CNTN5: variants seen among roughly 807,000 people sequenced by gnomAD.
CNTN5 encodes contactin 5, also known as contactin-5.
CNTN5 carries 77 observed loss-of-function variants against 129.1 expected under a neutral mutation model. The observed-to-expected ratio is 0.60, with a 90% CI of 0.50 to 0.72. The LOEUF (loss-of-function observed/expected upper bound fraction) is 0.72, where lower values mean the gene tolerates loss of function less well. Ranked by LOEUF, CNTN5 falls within the 30% of genes least tolerant of loss-of-function variation. The probability of loss-of-function intolerance (pLI) is 0.00; values close to 1 mark genes in which losing one functional copy is unlikely to be tolerated. For missense variants in CNTN5, 1,478 were observed against 1,328.8 expected (o/e 1.11, Z -1.75); for synonymous variants, 509 against 465.6 (o/e 1.09, Z -1.20).
At chr11:100,027,412 G>A (rs959040203) in intron 9 of CNTN5, among the ~76,000 whole-genome samples, 4 of 152,062 alleles carry the variant, frequency 2.6e-5, no homozygotes, top group Non-Finnish European at 4.4e-5. Context: ...CCACTGTTAA[G>A]GTTAAGACCT....
rs143137165 is a variant in CNTN5 at position 99,785,940 on chromosome 11, G to A, written c.56-33604G>A. Among the ~76,000 whole-genome samples, 228 of 152,046 alleles carry A rather than the reference G, an allele frequency of 1.5e-3. 1 individual carries two copies. The highest frequency in any genetic ancestry group is 5.3e-3 in the African/African-American group (219 of 41,496). Reference sequence around the variant, plus strand: ...GCTGGAGGCATTCCCTTTGAAAGCCGGCACAAGACAAGGATGCTGTCTCTC... The same window carrying A: ...GCTGGAGGCATTCCCTTTGAAAGCCAGCACAAGACAAGGATGCTGTCTCTC... On this transcript the variant is annotated intron_variant, in intron 3 of 24. Transcript: ENST00000524871.
chr11:99,220,494 G>A (rs1446276565), intron 1 of CNTN5, among the ~76,000 whole-genome samples: 1 of 151,696 alleles, frequency 6.6e-6, no homozygotes, highest in Non-Finnish European at 1.5e-5. Context: ...GATACTCCTT[G>A]CCTGAAATAT....
intron 2 of CNTN5, among the ~76,000 whole-genome samples, chr11:99,333,304 G>A (rs1866080003): frequency 6.6e-6 from 1 of 151,842 alleles, no homozygotes; most frequent in Non-Finnish European, 1.5e-5. Flanking sequence ...TGACTTTTGG[G>A]GCTACACTTA....
At chr11:99,573,968 C>G (rs979614565) in intron 3 of CNTN5, among the ~76,000 whole-genome samples, 1 of 152,030 alleles carries the variant, frequency 6.6e-6, no homozygotes, top group Non-Finnish European at 1.5e-5. Context: ...AGGTTTGTTA[C>G]GTAAGTATAC....
rs550497826 is a variant in CNTN5, at chr11:99,795,975, T to C, written c.56-23569T>C. ...CATTCCCACATGCCAGCAGCAATGC[T>C]AGAGGGTGGAGTGCATGTGCATTAG... is the stretch of plus-strand genomic sequence containing the variant. On this transcript the variant is annotated intron_variant, in intron 3 of 24. Coordinates refer to ENST00000524871, the MANE Select transcript of CNTN5 (RefSeq NM_014361.4). Among the ~76,000 whole-genome samples the C allele has an allele frequency of 5.9e-5, 9 of 152,274 alleles. No homozygotes were observed. The South Asian group carries it at 1.4e-3, about 25-fold the overall frequency.
chr11:100,047,674 C>T, intron 9 of CNTN5, among the ~76,000 whole-genome samples: 1 of 152,196 alleles, frequency 6.6e-6, no homozygotes, highest in Non-Finnish European at 1.5e-5. Flanking sequence ...TGATTGAAAT[C>T]AGGGATACCC....
chr11:100,089,264 T>G (rs1170666124), intron 13 of CNTN5, among the ~76,000 whole-genome samples: 2 of 152,014 alleles, frequency 1.3e-5, no homozygotes, highest in Non-Finnish European at 2.9e-5. Context: ...TTGCAAAAAT[T>G]TCCTCCCATT....
At chr11:99,902,059 CT>C (rs922324573) in intron 6 of CNTN5, among the ~76,000 whole-genome samples, 1 of 152,056 alleles carries the variant, frequency 6.6e-6, no homozygotes, top group African/African-American at 2.4e-5. Context: ...AGAGGTCAAG[CT>C]TTTATACATT....
At chr11:99,464,030 GC>G (rs1192861022) in intron 2 of CNTN5, among the ~76,000 whole-genome samples, 1 of 152,092 alleles carries the variant, frequency 6.6e-6, no homozygotes, top group African/African-American at 2.4e-5. Context: ...AATTTTTGAA[GC>G]TCTCTTTACT....
intron 1 of CNTN5, among the ~76,000 whole-genome samples, chr11:99,064,278 C>G (rs985124058): frequency 6.6e-6 from 1 of 152,120 alleles, no homozygotes; most frequent in Non-Finnish European, 1.5e-5. Flanking sequence ...CTTAACTTCA[C>G]TTGTTAGCAT....
intron 2 of CNTN5, among the ~76,000 whole-genome samples, chr11:99,425,328 G>C (rs1604911): frequency 0.81 from 122,515 of 152,186 alleles, 49,554 homozygotes; most frequent in Non-Finnish European, 0.85. Flanking sequence ...TTGGAGGTAG[G>C]GTTTCACTGA....
intron 3 of CNTN5, among the ~76,000 whole-genome samples, chr11:99,637,379 A>G (rs1293301078): frequency 6.6e-6 from 1 of 152,198 alleles, no homozygotes; most frequent in Non-Finnish European, 1.5e-5. Context: ...AGCGTTGTAT[A>G]TAGCATAATA....
At chr11:99,207,083 T>C (rs1480378680) in intron 1 of CNTN5, among the ~76,000 whole-genome samples, 2 of 152,134 alleles carry the variant, frequency 1.3e-5, no homozygotes, top group African/African-American at 4.8e-5. Context: ...TCTTACTGTA[T>C]TCTAATTATT....
At chr11:99,532,798 A>G (rs1398187794) in intron 2 of CNTN5, among the ~76,000 whole-genome samples, 2 of 152,188 alleles carry the variant, frequency 1.3e-5, no homozygotes, top group Non-Finnish European at 2.9e-5. Context: ...ACTGTAAGTC[A>G]TATAAAAACT....
intron 3 of CNTN5, among the ~76,000 whole-genome samples, chr11:99,664,695 G>A (rs1357530145): frequency 6.6e-6 from 1 of 152,126 alleles, no homozygotes; most frequent in East Asian, 1.9e-4. Context: ...ATTACAAGTT[G>A]AGGAATTTAT....
chr11:99,555,713 G>A (rs1301897272), intron 2 of CNTN5, among the ~76,000 whole-genome samples: 4 of 151,980 alleles, frequency 2.6e-5, no homozygotes, highest in Admixed American at 6.6e-5. Flanking sequence ...CAGGCACAAT[G>A]TGTAAAATCA....
Position 100,202,165 on chromosome 11 carries a change from A to T in CNTN5, c.1884+8502A>T, listed in dbSNP as rs533512460. On this transcript the variant is annotated intron_variant, in intron 15 of 24. Coordinates refer to ENST00000524871, the MANE Select transcript of CNTN5 (RefSeq NM_014361.4). ...AGATAAACAACTTTCCCAAACTTAAACAACTGTTGGATACAAGAGTTATCC... is the reference window on the plus strand; with the variant it reads ...AGATAAACAACTTTCCCAAACTTAATCAACTGTTGGATACAAGAGTTATCC... Among the ~76,000 whole-genome samples the T allele has an allele frequency of 7.9e-5, 12 of 152,130 alleles. No individual in the cohort carries two copies. In the South Asian group the frequency reaches 2.5e-3, roughly 32 times the overall value.
At chr11:99,582,229 C>A (rs985373074) in intron 3 of CNTN5, among the ~76,000 whole-genome samples, 1 of 152,176 alleles carries the variant, frequency 6.6e-6, no homozygotes, top group Non-Finnish European at 1.5e-5. Flanking sequence ...TTGTGGGTAA[C>A]CCGACCTTTC....
chr11:99,778,717 TA>T (rs888817796), intron 3 of CNTN5, among the ~76,000 whole-genome samples: 10 of 151,086 alleles, frequency 6.6e-5, no homozygotes, highest in South Asian at 6.3e-4. Context: ...AGTAATAAAC[TA>T]AAAAAAAATC....
Sources: allele counts gnomAD v4.1 joint callset (sites outside exome capture counted in the v4.1 genomes callset), GRCh38; gene constraint gnomAD v4.1.1; transcripts MANE v1.5; gene names NCBI Gene and HGNC (gene_info 2026-07-23, HGNC 2026-07-21).